The following UBR3 variants were observed in gnomAD, a reference collection of about 807,000 sequenced individuals.
UBR3 encodes the protein E3 ubiquitin-protein ligase UBR3.
Under a neutral mutation model 243.2 loss-of-function variants are expected in UBR3, and 85 were observed. The ratio of observed to expected loss-of-function variants is 0.35; its 90% CI spans 0.29 to 0.42. The LOEUF (loss-of-function observed/expected upper bound fraction) is 0.42, where lower values mean the gene tolerates loss of function less well. UBR3 is among the 10% of genes least tolerant of loss of function. The pLI, the probability that UBR3 is intolerant of heterozygous loss-of-function variation, is 1.00. For synonymous variants in UBR3, 748 were observed against 799.8 expected (o/e 0.94, Z 1.09); for missense variants, 1,686 against 2,300.8 (o/e 0.73, Z 5.47).
At chr2:169,878,433 A>T in intron 4 of UBR3, 92 bp from the exon 5 acceptor site, 1 of 1,286,586 alleles carries the variant, frequency 7.8e-7, no homozygotes, top group Non-Finnish European at 1.1e-6. Flanking sequence ...AACAAAACTT[A>T]GCTTTTTGAT....
intron 1 of UBR3, among the ~76,000 whole-genome samples, chr2:169,867,458 T>C (rs1038722609): frequency 1.3e-5 from 2 of 152,210 alleles, no homozygotes; most frequent in Non-Finnish European, 2.9e-5. Context: ...ATTTTTAACT[T>C]TTTTATATTG....
intron 29 of UBR3, chr2:170,014,498 G>A (rs910972778): frequency 6.6e-6 from 1 of 151,764 alleles, no homozygotes; most frequent in Non-Finnish European, 1.5e-5. Flanking sequence ...ATTTCTCAGA[G>A]TTGTCATTTA....
intron 36 of UBR3, among the ~76,000 whole-genome samples, chr2:170,076,066 A>G (rs1057112823): frequency 6.6e-6 from 1 of 151,982 alleles, no homozygotes; most frequent in African/African-American, 2.4e-5. Context: ...AGCCTCAACC[A>G]TTTTCCTTCC....
chr2:169,846,149 A>C lies in UBR3; in HGVS notation c.545+18097A>C. On this transcript the variant is annotated intron_variant, in intron 1 of 38. Coordinates refer to ENST00000272793, the MANE Select transcript of UBR3 (RefSeq NM_172070.4). ...CTGCTTGTTTTCTTCATTACTGAGA[A>C]TGGTGTTGAAGTCTCCAAATATAAC... 1.3e-5 allele frequency among the ~76,000 whole-genome samples: 2 copies of C among 152,118 alleles called. 1 individual carries two copies. The highest frequency in any genetic ancestry group is 4.8e-5 in the African/African-American group (2 of 41,428).
chr2:170,056,339 A>G (rs533856807), intron 33 of UBR3, among the ~76,000 whole-genome samples: 1 of 152,244 alleles, frequency 6.6e-6, no homozygotes, highest in East Asian at 1.9e-4. Flanking sequence ...GCATCTTGAA[A>G]TATTACCTTT....
chr2:169,895,846 A>G (rs1301641255), intron 7 of UBR3, among the ~76,000 whole-genome samples: 2 of 152,152 alleles, frequency 1.3e-5, no homozygotes, highest in African/African-American at 4.8e-5. Flanking sequence ...GTTATGGCAA[A>G]ATGACGAAGC....
intron 13 of UBR3, 50 bp downstream of exon 13, chr2:169,924,223 T>A: frequency 7.4e-7 from 1 of 1,349,962 alleles, no homozygotes; most frequent in Non-Finnish European, 1.0e-6. Flanking sequence ...CTTGTTTAAG[T>A]GATTCTTCCT....
intron 13 of UBR3, 64 bp from the exon 14 acceptor site, chr2:169,925,555 T>A: frequency 7.2e-7 from 1 of 1,393,320 alleles, no homozygotes; most frequent in Non-Finnish European, 9.7e-7. Flanking sequence ...GAAATGGTTA[T>A]TTATAATATT....
At chr2:169,879,833 G>A (rs1002623722) in intron 5 of UBR3, among the ~76,000 whole-genome samples, 2 of 152,072 alleles carry the variant, frequency 1.3e-5, no homozygotes, top group African/African-American at 4.8e-5. Flanking sequence ...AATAACTTCT[G>A]AGAATCATAT....
Position 169,827,813 on chromosome 2 carries a change from C to G in UBR3, c.306C>G (p.Gly102=), listed in dbSNP as rs1330600833. The change falls in exon 1 of 39, where the codon GGC becomes GGG. Residue 102 remains glycine, a synonymous_variant. Coordinates refer to ENST00000272793, the MANE Select transcript of UBR3 (RefSeq NM_172070.4). Reference sequence around the variant, plus strand: ...GTAAGTGCCTTCTGGCGGGCGGCGGCGGCTACGACGAGTTCTGCGCGGCGG... The same window carrying G: ...GTAAGTGCCTTCTGGCGGGCGGCGGGGGCTACGACGAGTTCTGCGCGGCGG... ...EWCKCLLAGG[G]GYDEFCAAVR... 1.3e-6 allele frequency: 2 copies of G among 1,497,010 alleles called. No homozygotes were observed. Among genetic ancestry groups the G allele is most frequent in the Non-Finnish European group, 1.8e-6 (2 of 1,127,260 alleles). The allele number at this position is 1,497,010 out of a possible 1,614,324, so 92.7% of individuals were successfully genotyped here.
At chr2:169,873,241 A>G (rs1346095591) in intron 2 of UBR3, among the ~76,000 whole-genome samples, 1 of 152,172 alleles carries the variant, frequency 6.6e-6, no homozygotes, top group Non-Finnish European at 1.5e-5. Context: ...GGAATGTTAT[A>G]TAATGTCCTC....
rs748834314 is a variant in UBR3 at position 170,001,289 on chromosome 2, CT to C, written c.3919-10del. The C allele has an allele frequency of 1.5e-5, 23 of 1,555,196 alleles. No individual in the cohort carries two copies. The highest frequency in any genetic ancestry group is 2.0e-5 in the Non-Finnish European group (23 of 1,129,452). On this transcript the variant is annotated splice_polypyrimidine_tract_variant and intron_variant, in intron 26 of 38. Transcript: ENST00000272793. Reference sequence around the variant, plus strand: ...CTTTAAAATTAATTGTATTTGTCTTCTTTTTATTTTGAAGAGTTCATGTCTC... The same window carrying C: ...CTTTAAAATTAATTGTATTTGTCTTCTTTTATTTTGAAGAGTTCATGTCTC...
chr2:169,884,850 A>G (rs1414691417), intron 5 of UBR3, among the ~76,000 whole-genome samples: 1 of 152,192 alleles, frequency 6.6e-6, no homozygotes, highest in Non-Finnish European at 1.5e-5. Context: ...GTATTTTTTA[A>G]CATATATTAA....
intron 5 of UBR3, 100 bp downstream of exon 5, chr2:169,878,674 A>G (rs1178997195): frequency 9.3e-7 from 1 of 1,076,318 alleles, no homozygotes; most frequent in Non-Finnish European, 1.3e-6. Flanking sequence ...AACTGTATAG[A>G]TTTGTAGGCA....
chr2:169,894,816 T>A (rs2084520141), intron 6 of UBR3, among the ~76,000 whole-genome samples: 1 of 152,204 alleles, frequency 6.6e-6, no homozygotes, highest in African/African-American at 2.4e-5. Context: ...GTCTCTCATC[T>A]AAGTTTAGCC....
At chr2:169,946,826 T>G (rs2086806506) in intron 21 of UBR3, among the ~76,000 whole-genome samples, 1 of 152,122 alleles carries the variant, frequency 6.6e-6, no homozygotes, top group Admixed American at 6.6e-5. Context: ...AATAATTTGA[T>G]TAGGGATTAT....
At chr2:169,977,737 A>T (rs181412828) in intron 24 of UBR3, among the ~76,000 whole-genome samples, 1 of 152,268 alleles carries the variant, frequency 6.6e-6, no homozygotes, top group Non-Finnish European at 1.5e-5. Flanking sequence ...CTCACATGTC[A>T]TTCTCCTCTG....
At chr2:169,940,400 A>G (rs2086535002) in intron 19 of UBR3, among the ~76,000 whole-genome samples, 1 of 152,094 alleles carries the variant, frequency 6.6e-6, no homozygotes, top group African/African-American at 2.4e-5. Flanking sequence ...AAATGTCTGC[A>G]TGTCTGGAGT....
At chr2:170,050,418 G>T (rs1468699014) in intron 32 of UBR3, among the ~76,000 whole-genome samples, 1 of 152,058 alleles carries the variant, frequency 6.6e-6, no homozygotes, top group Non-Finnish European at 1.5e-5. Context: ...TAAAATGTCT[G>T]ATACCTTCTT....
Sources: gnomAD v4.1 joint callset for allele counts (sites outside exome capture counted in the v4.1 genomes callset) on GRCh38, gnomAD v4.1.1 for gene constraint, MANE v1.5 for transcripts, NCBI Gene and HGNC (gene_info 2026-07-23, HGNC 2026-07-21) for gene names.